Variants in STPG2 observed in about 807,000 individuals in gnomAD.
STPG2 encodes sperm-tail PG-rich repeat-containing protein 2.
A neutral mutation model predicts 54.2 loss-of-function variants in STPG2; 56 were observed. The ratio of observed to expected loss-of-function variants is 1.03; its 90% CI spans 0.83 to 1.29. The LOEUF (loss-of-function observed/expected upper bound fraction) is 1.29, where lower values mean the gene tolerates loss of function less well. Among genes scored for constraint, STPG2 ranks in the 50% most tolerant of loss-of-function variants. The pLI is 0.00. For missense variants in STPG2, 596 were observed against 544.9 expected, an observed-to-expected ratio of 1.09 and a Z score of -0.93; for synonymous variants, 200 against 181.8, an observed-to-expected ratio of 1.10 and a Z score of -0.81.
chr4:97,571,102 T>C (rs912216195), intron 10 of STPG2, among the ~76,000 whole-genome samples: 2 of 151,998 alleles, frequency 1.3e-5, no homozygotes, highest in Admixed American at 6.6e-5. Flanking sequence ...TGGTATAGTA[T>C]TTAAATGTAA....
intron 5 of STPG2, among the ~76,000 whole-genome samples, chr4:98,085,104 T>G (rs116731483): frequency 6.6e-6 from 1 of 152,072 alleles, no homozygotes; most frequent in African/African-American, 2.4e-5. Flanking sequence ...TTTGAATTAA[T>G]TTTTTTGTAT....
chr4:97,945,901 A>T (rs564371609), intron 7 of STPG2, among the ~76,000 whole-genome samples: 1 of 152,182 alleles, frequency 6.6e-6, no homozygotes, highest in South Asian at 2.1e-4. Context: ...TCTACAAAAA[A>T]CACAAAAATT....
At chr4:97,913,131 A>G (rs1262414390) in intron 8 of STPG2, among the ~76,000 whole-genome samples, 1 of 152,238 alleles carries the variant, frequency 6.6e-6, no homozygotes, top group Non-Finnish European at 1.5e-5. Context: ...AGCTTCAAGG[A>G]AAATTCAGAG....
In STPG2 at chr4:97,441,263, C is replaced by T. The variant is rs960749960; in HGVS notation, c.463-253430G>A. Reference sequence around the variant, plus strand: ...AAAAGAAAGGCTTTTCATCAGATGTCTTTATTCAGCATTATATTTTATATG... The same window carrying T: ...AAAAGAAAGGCTTTTCATCAGATGTTTTTATTCAGCATTATATTTTATATG... On this transcript the variant is annotated intron_variant, in intron 4 of 4. Transcript: ENST00000522676. 9.2e-5 allele frequency: 14 copies of T among 151,934 alleles called. No individual in the cohort carries two copies. The South Asian group carries it at 2.3e-3, about 25-fold the overall frequency. 9.4% of individuals were successfully genotyped at this position (151,934 alleles called of 1,614,324 possible). A position where few individuals can be genotyped will look rare whatever the true frequency, so the allele number is the denominator to read the frequency against.
chr4:97,547,359 C>T (rs1731856195), intron 4 of STPG2, among the ~76,000 whole-genome samples: 1 of 152,060 alleles, frequency 6.6e-6, no homozygotes, highest in Admixed American at 6.6e-5. Flanking sequence ...TACAGAAGCC[C>T]GCCACCACAT....
At chr4:98,003,781 A>G (rs1434371543) in intron 5 of STPG2, among the ~76,000 whole-genome samples, 1 of 152,094 alleles carries the variant, frequency 6.6e-6, no homozygotes, top group Admixed American at 6.6e-5. Flanking sequence ...ATGTATTCAT[A>G]CTTTTCACTT....
chr4:97,486,660 G>C (rs1476409299), intron 4 of STPG2, among the ~76,000 whole-genome samples: 1 of 151,464 alleles, frequency 6.6e-6, no homozygotes, highest in Non-Finnish European at 1.5e-5. Context: ...GCAATCCCAT[G>C]ACTGAGTATC....
intron 10 of STPG2, among the ~76,000 whole-genome samples, chr4:97,646,315 T>A (rs1419031415): frequency 6.6e-6 from 1 of 152,170 alleles, no homozygotes; most frequent in Admixed American, 6.6e-5. Context: ...TGTATATCAA[T>A]GTAGTTGCAT....
At chr4:97,554,327 AC>A (rs1184622987), downstream of STPG2, among the ~76,000 whole-genome samples, 1 of 152,128 alleles carries the variant, frequency 6.6e-6, no homozygotes, top group Non-Finnish European at 1.5e-5. Flanking sequence ...AGAGGCCCAA[AC>A]CTGACAAGAA....
At chr4:97,563,018 T>C (rs1398356798) in intron 10 of STPG2, among the ~76,000 whole-genome samples, 1 of 152,186 alleles carries the variant, frequency 6.6e-6, no homozygotes, top group East Asian at 1.9e-4. Context: ...GAAGGAATGG[T>C]ACCAGTTCCT....
chr4:97,802,551 A>T (rs1352143707), intron 9 of STPG2, among the ~76,000 whole-genome samples: 1 of 151,434 alleles, frequency 6.6e-6, no homozygotes, highest in African/African-American at 2.4e-5. Flanking sequence ...GCTCACTCCA[A>T]CCTCCATCTC....
At chr4:98,109,655 A>G (rs1433573142) in intron 3 of STPG2, among the ~76,000 whole-genome samples, 2 of 152,214 alleles carry the variant, frequency 1.3e-5, no homozygotes, top group Non-Finnish European at 2.9e-5. Context: ...GGATAACATT[A>G]TTTGGGAAAT....
At chr4:98,017,891 TC>T (rs2149288029) in intron 5 of STPG2, among the ~76,000 whole-genome samples, 1 of 152,280 alleles carries the variant, frequency 6.6e-6, no homozygotes, top group South Asian at 2.1e-4. Context: ...TCTCTCTCTC[TC>T]CTGCTACCTT....
intron 10 of STPG2, among the ~76,000 whole-genome samples, chr4:97,628,798 A>C (rs1198170536): frequency 6.6e-6 from 1 of 152,002 alleles, no homozygotes; most frequent in African/African-American, 2.4e-5. Flanking sequence ...TTTTGTTCTT[A>C]CTGATAGATA....
intron 8 of STPG2, among the ~76,000 whole-genome samples, chr4:97,902,774 TC>T (rs1396328875): frequency 6.6e-6 from 1 of 152,136 alleles, no homozygotes; most frequent in African/African-American, 2.4e-5. Context: ...TACTGTATGA[TC>T]CTGCAACTTC....
intron 9 of STPG2, among the ~76,000 whole-genome samples, chr4:97,819,326 T>G (rs1485645309): frequency 1.3e-5 from 2 of 151,464 alleles, no homozygotes; most frequent in African/African-American, 2.4e-5. Context: ...ACAGAATAAA[T>G]AATTAATTTT....
At chr4:97,624,230 G>A (rs1444641329) in intron 10 of STPG2, among the ~76,000 whole-genome samples, 1 of 152,152 alleles carries the variant, frequency 6.6e-6, no homozygotes, top group Non-Finnish European at 1.5e-5. Context: ...CTTCTACAAT[G>A]GTTGAACTAA....
chr4:97,553,980 C>A (rs1470345737), downstream of STPG2, among the ~76,000 whole-genome samples: 1 of 152,166 alleles, frequency 6.6e-6, no homozygotes, highest in East Asian at 1.9e-4. Context: ...CAAACTTCAA[C>A]TCTTTATTTT....
chr4:97,813,193 T>G (rs1727797583), intron 9 of STPG2, among the ~76,000 whole-genome samples: 1 of 152,012 alleles, frequency 6.6e-6, no homozygotes, highest in South Asian at 2.1e-4. Context: ...GAATCTTTCC[T>G]TGAATAACGC....
Sources: gnomAD v4.1 joint callset for allele counts (sites outside exome capture counted in the v4.1 genomes callset) on GRCh38, gnomAD v4.1.1 for gene constraint, MANE v1.5 for transcripts, NCBI Gene and HGNC (gene_info 2026-07-23, HGNC 2026-07-21) for gene names.